WWC2: variants seen among roughly 807,000 people sequenced by gnomAD.
WWC2 encodes the protein WW and C2 domain containing 2, also known as protein WWC2.
In WWC2, 101 loss-of-function variants were observed where a neutral mutation model predicts 138.5. The ratio of observed to expected loss-of-function variants is 0.73; its 90% CI spans 0.62 to 0.86. The LOEUF (loss-of-function observed/expected upper bound fraction) is 0.86, where lower values mean the gene tolerates loss of function less well. Among genes scored for constraint, WWC2 ranks in the 40% least tolerant of loss-of-function variants. The pLI is 0.00. For synonymous variants in WWC2, 558 were observed against 538.4 expected, an observed-to-expected ratio of 1.04 and a Z score of -0.50; for missense variants, 1,420 against 1,419.4, an observed-to-expected ratio of 1.00 and a Z score of -0.01.
chr4:183,108,507 A>G (rs1400884638), intron 1 of WWC2, among the ~76,000 whole-genome samples: 1 of 152,212 alleles, frequency 6.6e-6, no homozygotes, highest in Non-Finnish European at 1.5e-5. Flanking sequence ...GTAAGGAGAC[A>G]CCAAGACTAA....
intron 1 of WWC2, among the ~76,000 whole-genome samples, chr4:183,102,238 C>T (rs985081345): frequency 4.0e-5 from 6 of 150,462 alleles, no homozygotes; most frequent in Non-Finnish European, 7.5e-5. Flanking sequence ...ATAATATCAT[C>T]TTCTTCATAG....
At chr4:183,213,782 CAATAGCCATTTTTTAAGGAAGA>C in intron 4 of WWC2, among the ~76,000 whole-genome samples, 1 of 152,172 alleles carries the variant, frequency 6.6e-6, no homozygotes, top group Non-Finnish European at 1.5e-5. Context: ...GAGAAAATCT[CAATAGCCATTTTTTAAGGAAGA>C]AGAATATAAA....
chr4:183,258,728 C>T (rs563777666), intron 9 of WWC2, among the ~76,000 whole-genome samples: 6 of 152,246 alleles, frequency 3.9e-5, no homozygotes, highest in East Asian at 3.9e-4. Context: ...CTTGATTCAG[C>T]GACTTACCAA....
At chr4:183,298,420 A>G (rs900793343) in intron 21 of WWC2, among the ~76,000 whole-genome samples, 2 of 152,018 alleles carry the variant, frequency 1.3e-5, no homozygotes, top group East Asian at 3.9e-4. Flanking sequence ...ATTGGTATAC[A>G]CCTGAGGTCC....
chr4:183,240,200 A>G lies in WWC2; in HGVS notation c.540A>G (p.Arg180=). The G allele has an allele frequency of 6.4e-7, 1 of 1,550,532 alleles. No homozygotes were observed. Among genetic ancestry groups the G allele is most frequent in the Non-Finnish European group, 8.7e-7 (1 of 1,147,198 alleles). The change falls in exon 5 of 23, where the codon AGA becomes AGG. Residue 180 remains arginine, a synonymous_variant. Coordinates refer to ENST00000403733, the MANE Select transcript of WWC2 (RefSeq NM_024949.6). Reference sequence around the variant, plus strand: ...CTTTAAAGGTTAAAAAGCTAAAGAGAGAGCTCTCACAGATGAAGCAGGAAC... The same window carrying G: ...CTTTAAAGGTTAAAAAGCTAAAGAGGGAGCTCTCACAGATGAAGCAGGAAC... ...TTRLRVKKLK[R]ELSQMKQELL...
chr4:183,234,472 C>T (rs183363138), intron 4 of WWC2, among the ~76,000 whole-genome samples: 81 of 152,316 alleles, frequency 5.3e-4, no homozygotes, highest in African/African-American at 1.9e-3. Context: ...AATGAAGTTT[C>T]TAAGGCAGAA....
chr4:183,119,034 C>A (rs1244447663), intron 1 of WWC2, among the ~76,000 whole-genome samples: 1 of 151,968 alleles, frequency 6.6e-6, no homozygotes, highest in Non-Finnish European at 1.5e-5. Context: ...GTACTCCAGT[C>A]TGAATTTTAC....
chr4:183,121,204 C>CA (rs796207947), intron 1 of WWC2, among the ~76,000 whole-genome samples: 4,153 of 113,212 alleles, frequency 0.037, 95 homozygotes, highest in African/African-American at 0.077. Flanking sequence ...GACATTATCT[C>CA]AAAAAAAAAA....
rs139283866 is a variant in WWC2 at position 183,186,136 on chromosome 4, A to G, written c.132-7463A>G. ...CTAATTTTTTGTATTTTTAGTAGAG[A>G]CAGGGTTTCACCATTCACAGGATGG... On this transcript the variant is annotated intron_variant, in intron 1 of 22. Coordinates refer to ENST00000403733, the MANE Select transcript of WWC2 (RefSeq NM_024949.6). Among the ~76,000 whole-genome samples, 897 of 152,036 alleles carry G rather than the reference A, an allele frequency of 5.9e-3. 7 individuals carry two copies. The highest frequency in any genetic ancestry group is 0.019 in the African/African-American group (795 of 41,446).
At chr4:183,152,637 C>T (rs1733673804) in intron 1 of WWC2, among the ~76,000 whole-genome samples, 1 of 151,736 alleles carries the variant, frequency 6.6e-6, no homozygotes. Context: ...GTAATCATAG[C>T]ACTTTGAGAG....
intron 1 of WWC2, among the ~76,000 whole-genome samples, chr4:183,144,289 G>A (rs1329779562): frequency 6.6e-6 from 1 of 152,136 alleles, no homozygotes; most frequent in Non-Finnish European, 1.5e-5. Context: ...TGTTGTATCT[G>A]TGTTGAAAGG....
At position 183,319,290 on chromosome 4, in the gene WWC2, C is replaced by T; in HGVS notation, c.*3561C>T. 1 of 367,414 alleles carries T rather than the reference C, an allele frequency of 2.7e-6. No homozygotes were observed. Among genetic ancestry groups the T allele is most frequent in the Non-Finnish European group, 4.9e-6 (1 of 206,108 alleles). The allele number at this position is 367,414 out of a possible 1,614,324, so 22.8% of individuals were successfully genotyped here. Reference sequence around the variant, plus strand: ...ACATAGAGATTAATGTTTTATTTACCACTTCTGTGCAATCGCTATTTTAAA... The same window carrying T: ...ACATAGAGATTAATGTTTTATTTACTACTTCTGTGCAATCGCTATTTTAAA... On this transcript the variant is annotated 3_prime_UTR_variant, in exon 23 of 23. Coordinates refer to ENST00000403733, the MANE Select transcript of WWC2 (RefSeq NM_024949.6).
rs956661998 is a variant in WWC2 at position 183,318,412 on chromosome 4, C to T, written c.*2683C>T. On this transcript the variant is annotated 3_prime_UTR_variant, in exon 23 of 23. Transcript: ENST00000403733. The stretch of plus-strand genomic sequence containing the variant: ...TGTTTTAATTTGTCTTGTTTGTAAA[C>T]GTATGCAAATACATCACATAGATTA... 9 of 152,174 alleles carry T rather than the reference C, an allele frequency of 5.9e-5. No homozygotes were observed. Among genetic ancestry groups the T allele is most frequent in the Admixed American group, 2.6e-4 (4 of 15,254 alleles). The allele number at this position is 152,174 out of a possible 1,614,324, so 9.4% of individuals were successfully genotyped here.
chr4:183,245,292 G>GTA, intron 5 of WWC2, 124 bp from the exon 6 acceptor site: 1 of 688,990 alleles, frequency 1.5e-6, no homozygotes, highest in East Asian at 4.4e-5. Flanking sequence ...ATGATTGCTG[G>GTA]TATATGACAG....
intron 1 of WWC2, among the ~76,000 whole-genome samples, chr4:183,190,509 A>G (rs1197595219): frequency 1.3e-5 from 2 of 152,146 alleles, no homozygotes; most frequent in Admixed American, 6.5e-5. Context: ...TAATTTGCAT[A>G]AGAATTCAGT....
chr4:183,140,413 A>G (rs751987359), intron 1 of WWC2, among the ~76,000 whole-genome samples: 3 of 152,128 alleles, frequency 2.0e-5, no homozygotes, highest in Non-Finnish European at 4.4e-5. Flanking sequence ...GGGCCTGGGA[A>G]TCTTCCTTTT....
chr4:183,244,111 A>T (rs374353756), intron 5 of WWC2, among the ~76,000 whole-genome samples: 3 of 152,102 alleles, frequency 2.0e-5, no homozygotes, highest in African/African-American at 4.8e-5. Context: ...AGTAGGTACT[A>T]TTTCTCTGGA....
chr4:183,180,094 A>G (rs554005548), intron 1 of WWC2, among the ~76,000 whole-genome samples: 14 of 152,224 alleles, frequency 9.2e-5, no homozygotes, highest in Non-Finnish European at 1.6e-4. Context: ...CAACTGTTTA[A>G]GTGTGAAACT....
intron 1 of WWC2, among the ~76,000 whole-genome samples, chr4:183,122,605 C>T (rs576988231): frequency 3.9e-5 from 6 of 152,178 alleles, no homozygotes; most frequent in East Asian, 1.9e-4. Context: ...CTGCAGTCTC[C>T]GCCTCCCAGG....
Sources: gnomAD v4.1 joint callset for allele counts (sites outside exome capture counted in the v4.1 genomes callset) on GRCh38, gnomAD v4.1.1 for gene constraint, MANE v1.5 for transcripts, NCBI Gene and HGNC (gene_info 2026-07-23, HGNC 2026-07-21) for gene names.